Variants in TAOK1 observed in about 807,000 individuals in gnomAD.
TAOK1 encodes the protein serine/threonine-protein kinase TAO1.
A neutral mutation model predicts 138.3 loss-of-function variants in TAOK1; 21 were observed. That is an observed-to-expected ratio of 0.15 (90% CI 0.11 to 0.22). The LOEUF (loss-of-function observed/expected upper bound fraction) is 0.22. Among genes scored for constraint, TAOK1 ranks in the 10% least tolerant of loss-of-function variants. The probability of loss-of-function intolerance (pLI) is 1.00; values close to 1 mark genes in which losing one functional copy is unlikely to be tolerated. For missense variants in TAOK1, 651 were observed against 1,227.7 expected (o/e 0.53, Z 7.02); for synonymous variants, 361 against 398.4 (o/e 0.91, Z 1.12).
At chr17:29,445,568 CCT>C (rs1474131495) in intron 1 of TAOK1, among the ~76,000 whole-genome samples, 1 of 152,072 alleles carries the variant, frequency 6.6e-6, no homozygotes, top group Non-Finnish European at 1.5e-5. Flanking sequence ...TGATTTTCTG[CCT>C]CTGTTTATAT....
chr17:29,463,857 A>T (rs1488818890), intron 2 of TAOK1, among the ~76,000 whole-genome samples: 2 of 152,204 alleles, frequency 1.3e-5, no homozygotes, highest in African/African-American at 2.4e-5. Context: ...AAGAACTCTT[A>T]CAACTCAATA....
chr17:29,467,743 C>T (rs1159400271), intron 3 of TAOK1, among the ~76,000 whole-genome samples: 1 of 152,012 alleles, frequency 6.6e-6, no homozygotes, highest in Non-Finnish European at 1.5e-5. Context: ...GTACTGAGAG[C>T]CATAAACAGA....
At chr17:29,489,818 C>G (rs1191247336) in intron 9 of TAOK1, 61 bp downstream of exon 9, 1 of 1,239,244 alleles carries the variant, frequency 8.1e-7, no homozygotes, top group Non-Finnish European at 1.1e-6. Flanking sequence ...TTTTCATAAT[C>G]TGTTATCAAA....
At chr17:29,494,378 G>T (rs759235009) in intron 10 of TAOK1, among the ~76,000 whole-genome samples, 1 of 151,990 alleles carries the variant, frequency 6.6e-6, no homozygotes, top group Non-Finnish European at 1.5e-5. Flanking sequence ...ACATGGTGGT[G>T]CACACCTGTA....
In TAOK1 at chr17:29,475,789, C is replaced by A; in HGVS notation, c.306+18C>A. 6.3e-7 allele frequency: 1 copy of A among 1,581,570 alleles called. No individual in the cohort carries two copies. The highest frequency in any genetic ancestry group is 8.7e-7 in the Non-Finnish European group (1 of 1,152,520). On this transcript the variant is annotated intron_variant, in intron 4 of 19. Coordinates refer to ENST00000261716, the MANE Select transcript of TAOK1 (RefSeq NM_020791.4). ...CAGCATGGGTTGGTATTTGTTCTCCCCTTGTTGCAGTTTTAGCTGATTTTG... is the reference window on the plus strand; with the variant it reads ...CAGCATGGGTTGGTATTTGTTCTCCACTTGTTGCAGTTTTAGCTGATTTTG...
rs577409080 is a variant in TAOK1, at chr17:29,498,634, A to G, written c.1203+113A>G. 6.7e-5 allele frequency: 83 copies of G among 1,245,800 alleles called. No homozygotes were observed. In the Admixed American group the frequency reaches 1.6e-3, roughly 24 times the overall value. The allele number at this position is 1,245,800 out of a possible 1,614,324, so 77.2% of individuals were successfully genotyped here. A position where few individuals can be genotyped will look rare whatever the true frequency, so the allele number is the denominator to read the frequency against. ...AAGGAAGTTTCCCGAAGTTTGGAAC[A>G]TGGCTGGGCTCAGTGGCTCATGCCT... On this transcript the variant is annotated intron_variant, in intron 12 of 19. Transcript: ENST00000261716.
At chr17:29,406,756 C>G (rs1470170409) in intron 1 of TAOK1, among the ~76,000 whole-genome samples, 2 of 152,106 alleles carry the variant, frequency 1.3e-5, no homozygotes, top group Non-Finnish European at 2.9e-5. Flanking sequence ...TTTGTAGTGA[C>G]AGGGTTTCTC....
At chr17:29,408,496 A>G (rs1905056937) in intron 1 of TAOK1, among the ~76,000 whole-genome samples, 1 of 152,054 alleles carries the variant, frequency 6.6e-6, no homozygotes, top group Admixed American at 6.6e-5. Flanking sequence ...GATTACAGGC[A>G]TGAGCCACTG....
Position 29,500,961 on chromosome 17 carries a change from G to C in TAOK1, c.1204-1628G>C, listed in dbSNP as rs553725904. 2.6e-5 allele frequency among the ~76,000 whole-genome samples: 4 copies of C among 152,246 alleles called. No individual in the cohort carries two copies. The East Asian group carries it at 7.7e-4, about 29-fold the overall frequency. On this transcript the variant is annotated intron_variant, in intron 12 of 19. Coordinates refer to ENST00000261716, the MANE Select transcript of TAOK1 (RefSeq NM_020791.4). ...AGAAAGTAGGTTAGGAGTTACCAGA[G>C]ACTGGGTGGAGGTCAAAATAGAGAG...
At chr17:29,468,815 C>T (rs981253747) in intron 3 of TAOK1, among the ~76,000 whole-genome samples, 2 of 152,114 alleles carry the variant, frequency 1.3e-5, no homozygotes, top group African/African-American at 4.8e-5. Flanking sequence ...TCCCAAAGTA[C>T]TGAGATTACA....
rs2150781571 is a variant in TAOK1 at position 29,546,601 on chromosome 17, T to G, written c.*3579T>G. ...CCTTTGCATTTCTCCATTTGTGCCA[T>G]TCACTAGTGGAAATAAATTGTATTA... On this transcript the variant is annotated 3_prime_UTR_variant, in exon 20 of 20. Transcript: ENST00000261716. The G allele has an allele frequency of 6.6e-6, 1 of 152,228 alleles. No individual in the cohort carries two copies. The highest frequency in any genetic ancestry group is 2.1e-4 in the South Asian group (1 of 4,834). The allele number at this position is 152,228 out of a possible 1,614,324, so 9.4% of individuals were successfully genotyped here. A position where few individuals can be genotyped will look rare whatever the true frequency, so the allele number is the denominator to read the frequency against.
chr17:29,480,467 G>A lies in TAOK1; in HGVS notation c.549G>A (p.Val183=). ...TGGCATCACCTGCCAATTCCTTTGTGGGAACGCCGTATTGGTAAGAATAGT... is the reference window on the plus strand; with the variant it reads ...TGGCATCACCTGCCAATTCCTTTGTAGGAACGCCGTATTGGTAAGAATAGT... ...ASMASPANSF[V]GTPYWMAPEV... is the part of the protein sequence containing the mutation. The change falls in exon 7 of 20, where the codon GTG becomes GTA. Residue 183 remains valine, a synonymous_variant. Coordinates refer to ENST00000261716, the MANE Select transcript of TAOK1 (RefSeq NM_020791.4). 1.2e-6 allele frequency: 2 copies of A among 1,612,704 alleles called. No individual in the cohort carries two copies. Among genetic ancestry groups the A allele is most frequent in the Non-Finnish European group, 1.7e-6 (2 of 1,179,162 alleles).
At chr17:29,440,532 T>C (rs548044755) in intron 1 of TAOK1, among the ~76,000 whole-genome samples, 4 of 152,252 alleles carry the variant, frequency 2.6e-5, no homozygotes, top group African/African-American at 9.6e-5. Flanking sequence ...ATTTAGATAC[T>C]TATCATATAC....
chr17:29,404,641 T>C (rs1239314331), intron 1 of TAOK1, among the ~76,000 whole-genome samples: 1 of 151,986 alleles, frequency 6.6e-6, no homozygotes, highest in Non-Finnish European at 1.5e-5. Context: ...AAATAAAAAA[T>C]TAGCCAAGTA....
chr17:29,420,186 AG>A (rs1348936894), intron 1 of TAOK1, among the ~76,000 whole-genome samples: 1 of 151,946 alleles, frequency 6.6e-6, no homozygotes, highest in East Asian at 1.9e-4. Flanking sequence ...CTGGGACTAC[AG>A]GTGCATGCCA....
chr17:29,436,578 C>CTG (rs1334979929), intron 1 of TAOK1, among the ~76,000 whole-genome samples: 1 of 152,200 alleles, frequency 6.6e-6, no homozygotes, highest in Admixed American at 6.5e-5. Context: ...TAAAACAAGA[C>CTG]AACAAACATC....
At chr17:29,505,309 C>T (rs574510703) in intron 13 of TAOK1, among the ~76,000 whole-genome samples, 15 of 152,116 alleles carry the variant, frequency 9.9e-5, no homozygotes, top group Non-Finnish European at 1.6e-4. Flanking sequence ...CCTGCCTTAA[C>T]CGTCTGAAAC....
intron 1 of TAOK1, among the ~76,000 whole-genome samples, chr17:29,403,017 C>T (rs1013856997): frequency 2.6e-5 from 4 of 151,712 alleles, no homozygotes; most frequent in South Asian, 2.1e-4. Flanking sequence ...CAAAATTAGC[C>T]GTGCATGGTG....
chr17:29,542,473 CA>C, intron 19 of TAOK1, 87 bp from the exon 20 acceptor site: 2 of 1,125,770 alleles, frequency 1.8e-6, no homozygotes, highest in Non-Finnish European at 2.4e-6. Context: ...ATAAAATAAC[CA>C]CTTCAAAGCT....
Sources: allele counts gnomAD v4.1 joint callset (sites outside exome capture counted in the v4.1 genomes callset), GRCh38; gene constraint gnomAD v4.1.1; transcripts MANE v1.5; gene names NCBI Gene and HGNC (gene_info 2026-07-23, HGNC 2026-07-21).